JAK2: variants seen among roughly 807,000 people sequenced by gnomAD.
JAK2 encodes the protein Janus kinase 2, also known as tyrosine-protein kinase JAK2.
JAK2 carries 86 observed loss-of-function variants against 139.3 expected under a neutral mutation model. The ratio of observed to expected loss-of-function variants is 0.62; its 90% CI spans 0.52 to 0.74. The LOEUF is 0.74. Among genes scored for constraint, JAK2 ranks in the 30% least tolerant of loss-of-function variants. The pLI is 0.00. For synonymous variants in JAK2, 490 were observed against 437.7 expected, an observed-to-expected ratio of 1.12 and a Z score of -1.49; for missense variants, 1,421 against 1,360.3, an observed-to-expected ratio of 1.04 and a Z score of -0.70.
intron 2 of JAK2, among the ~76,000 whole-genome samples, chr9:4,999,170 C>T (rs964338231): frequency 3.3e-5 from 5 of 152,132 alleles, no homozygotes; most frequent in African/African-American, 7.2e-5. Flanking sequence ...GTACTTCTGA[C>T]GCTGGCCCAA....
At chr9:4,987,083 G>C (rs1308769040) in intron 2 of JAK2, among the ~76,000 whole-genome samples, 2 of 152,194 alleles carry the variant, frequency 1.3e-5, no homozygotes, top group Non-Finnish European at 2.9e-5. Context: ...CTGTTGGTGT[G>C]TAACGTATGT....
At position 5,022,073 on chromosome 9, in the gene JAK2, C is replaced by T. The variant is rs1321992857; in HGVS notation, c.86C>T (p.Ala29Val). 6.2e-7 allele frequency: 1 copy of T among 1,613,876 alleles called. No homozygotes were observed. Among genetic ancestry groups the T allele is most frequent in the Non-Finnish European group, 8.5e-7 (1 of 1,179,792 alleles). The change falls in exon 3 of 25, where the codon GCC becomes GTC. Residue 29 changes from alanine to valine, a missense_variant. Transcript: ENST00000381652. ...CAGAATGGTGATATTTCTGGAAATG[C>T]CAATTCTATGAAGCAAATAGATCCA... ...IYQNGDISGN[A>V]NSMKQIDPVL...
chr9:5,127,481 A>G lies in JAK2; in HGVS notation c.*690A>G. The G allele has an allele frequency of 8.7e-6, 2 of 231,214 alleles. No homozygotes were observed. Among genetic ancestry groups the G allele is most frequent in the Admixed American group, 1.1e-4 (2 of 17,708 alleles). The allele number at this position is 231,214 out of a possible 1,614,324, so 14.3% of individuals were successfully genotyped here. A position where few individuals can be genotyped will look rare whatever the true frequency, so the allele number is the denominator to read the frequency against. On this transcript the variant is annotated 3_prime_UTR_variant, in exon 25 of 25. Transcript: ENST00000381652. ...AAATTTCCCTGACCCTAAATAATACATTTTGAAATGAAACAAGCTTACAAA... is the reference window on the plus strand; with the variant it reads ...AAATTTCCCTGACCCTAAATAATACGTTTTGAAATGAAACAAGCTTACAAA...
At chr9:5,081,886 T>TA in intron 19 of JAK2, 25 bp downstream of exon 19, 2 of 1,583,370 alleles carry the variant, frequency 1.3e-6, no homozygotes, top group South Asian at 2.2e-5. Flanking sequence ...TTTTTTCAAA[T>TA]AGAGTATAAT....
At chr9:5,116,692 G>C (rs1486938145) in intron 22 of JAK2, among the ~76,000 whole-genome samples, 2 of 152,170 alleles carry the variant, frequency 1.3e-5, no homozygotes, top group African/African-American at 4.8e-5. Context: ...GGGAGGTAGG[G>C]ATATGAAGAT....
At chr9:5,043,895 G>A (rs1816804302) in intron 4 of JAK2, among the ~76,000 whole-genome samples, 1 of 152,190 alleles carries the variant, frequency 6.6e-6, no homozygotes, top group Non-Finnish European at 1.5e-5. Flanking sequence ...ACAATGCTAT[G>A]AATAAACTAA....
intron 22 of JAK2, chr9:5,111,135 C>T (rs1216926495): frequency 2.9e-6 from 3 of 1,030,892 alleles, no homozygotes; most frequent in Admixed American, 2.0e-5. Flanking sequence ...GCTGGACGTT[C>T]AGCGAAGGCG....
chr9:5,014,280 A>G (rs553103228), intron 2 of JAK2, among the ~76,000 whole-genome samples: 60 of 151,402 alleles, frequency 4.0e-4, no homozygotes, highest in African/African-American at 1.4e-3. Flanking sequence ...CAGGGATTAC[A>G]GGTGTGAGCC....
chr9:5,005,023 C>A (rs1412566737), intron 2 of JAK2, among the ~76,000 whole-genome samples: 2 of 144,362 alleles, frequency 1.4e-5, no homozygotes, highest in African/African-American at 5.2e-5. Flanking sequence ...CGCAAGTGAT[C>A]CTCCTCCTTC....
At chr9:5,041,135 G>T in intron 4 of JAK2, 1 of 994,676 alleles carries the variant, frequency 1.0e-6, no homozygotes, top group South Asian at 1.4e-5. Flanking sequence ...GCTCCTGATC[G>T]CCATCCGGCT....
chr9:5,105,600 T>C (rs1175076837), intron 22 of JAK2, among the ~76,000 whole-genome samples: 1 of 152,118 alleles, frequency 6.6e-6, no homozygotes, highest in African/African-American at 2.4e-5. Context: ...AGAGCCTGCA[T>C]TGCCAAGACC....
At chr9:5,013,276 CCTCACCA>C (rs1821819460) in intron 2 of JAK2, among the ~76,000 whole-genome samples, 1 of 152,062 alleles carries the variant, frequency 6.6e-6, no homozygotes, top group Non-Finnish European at 1.5e-5. Flanking sequence ...TTACATTTCA[CCTCACCA>C]TATTTAGGTT....
At chr9:5,055,983 G>C (rs969999864) in intron 8 of JAK2, among the ~76,000 whole-genome samples, 195 bp downstream of exon 8, 5 of 151,986 alleles carry the variant, frequency 3.3e-5, no homozygotes, top group African/African-American at 1.2e-4. Context: ...TCTTCCTACA[G>C]AGTTTCTTGT....
chr9:5,057,174 T>C (rs1259067974), intron 8 of JAK2, among the ~76,000 whole-genome samples: 1 of 152,142 alleles, frequency 6.6e-6, no homozygotes, highest in Non-Finnish European at 1.5e-5. Flanking sequence ...ATCATGTTTC[T>C]TGCTGAATTT....
chr9:5,126,371 G>A lies in JAK2; in HGVS notation c.3216G>A (p.Gln1072=), dbSNP rs1403668190. The change falls in exon 24 of 25, where the codon CAG becomes CAA. Residue 1072 remains glutamine, a synonymous_variant. Coordinates refer to ENST00000381652, the MANE Select transcript of JAK2 (RefSeq NM_004972.4). ...MRMIGNDKQG[Q]MIVFHLIELL... is the part of the protein sequence containing the mutation. ...TGATTGGCAATGACAAACAAGGACA[G>A]ATGATCGTGTTCCATTTGATAGAAC... is the stretch of plus-strand genomic sequence containing the variant. 6.2e-7 allele frequency: 1 copy of A among 1,610,920 alleles called. No homozygotes were observed. The highest frequency in any genetic ancestry group is 8.5e-7 in the Non-Finnish European group (1 of 1,178,082).
chr9:5,089,167 T>A (rs1048828811), intron 19 of JAK2, among the ~76,000 whole-genome samples: 3 of 152,212 alleles, frequency 2.0e-5, no homozygotes, highest in Non-Finnish European at 4.4e-5. Context: ...TTGAAGAAAT[T>A]AAATTTACAG....
At chr9:5,080,473 A>T (rs1279270444) in intron 17 of JAK2, 60 bp from the exon 18 acceptor site, 1 of 1,541,764 alleles carries the variant, frequency 6.5e-7, no homozygotes, top group East Asian at 2.3e-5. Flanking sequence ...TCTAATTTTA[A>T]AAAGAAGGTT....
intron 22 of JAK2, among the ~76,000 whole-genome samples, chr9:5,119,603 T>C: frequency 6.6e-6 from 1 of 152,148 alleles, no homozygotes; most frequent in East Asian, 1.9e-4. Context: ...CAATAAATAA[T>C]ACAGAGTAAA....
At chr9:4,995,713 A>G (rs1820519585) in intron 2 of JAK2, among the ~76,000 whole-genome samples, 1 of 152,226 alleles carries the variant, frequency 6.6e-6, no homozygotes, top group African/African-American at 2.4e-5. Context: ...GTACTTGAAA[A>G]TAAAATGAAT....
Sources: gnomAD v4.1 joint callset for allele counts (sites outside exome capture counted in the v4.1 genomes callset) on GRCh38, gnomAD v4.1.1 for gene constraint, MANE v1.5 for transcripts, NCBI Gene and HGNC (gene_info 2026-07-23, HGNC 2026-07-21) for gene names.